The following RUNDC3B variants were observed in gnomAD, a reference collection of about 807,000 sequenced individuals.
RUNDC3B encodes the protein RUN domain-containing protein 3B.
Under a neutral mutation model 58.4 loss-of-function variants are expected in RUNDC3B, and 33 were observed. The ratio of observed to expected loss-of-function variants is 0.56; its 90% CI spans 0.43 to 0.75. The LOEUF is 0.75. RUNDC3B is among the 30% of genes least tolerant of loss of function. RUNDC3B has a pLI of 0.00. For synonymous variants in RUNDC3B, 193 were observed against 195.2 expected, an observed-to-expected ratio of 0.99 and a Z score of 0.10; for missense variants, 501 against 535.7, an observed-to-expected ratio of 0.94 and a Z score of 0.64.
At chr7:87,681,888 T>C (rs1826961968) in intron 2 of RUNDC3B, among the ~76,000 whole-genome samples, 1 of 152,214 alleles carries the variant, frequency 6.6e-6, no homozygotes, top group Non-Finnish European at 1.5e-5. Flanking sequence ...CATGGACTCT[T>C]CCTTTCATGA....
At chr7:87,767,214 G>T in intron 6 of RUNDC3B, among the ~76,000 whole-genome samples, 1 of 152,004 alleles carries the variant, frequency 6.6e-6, no homozygotes, top group East Asian at 1.9e-4. Flanking sequence ...TCTACATTTT[G>T]AATTCTTTAT....
intron 2 of RUNDC3B, among the ~76,000 whole-genome samples, chr7:87,680,838 G>A (rs950650942): frequency 2.7e-5 from 4 of 149,964 alleles, no homozygotes; most frequent in African/African-American, 7.4e-5. Context: ...ACTAAATAAA[G>A]AAGGGAAAAT....
chr7:87,737,989 A>G (rs955755994), intron 4 of RUNDC3B, among the ~76,000 whole-genome samples: 2 of 152,096 alleles, frequency 1.3e-5, no homozygotes, highest in Non-Finnish European at 1.5e-5. Context: ...CCCTAGTACA[A>G]AGGTGCCATT....
At chr7:87,808,658 T>G (rs1836558921) in intron 9 of RUNDC3B, among the ~76,000 whole-genome samples, 1 of 152,078 alleles carries the variant, frequency 6.6e-6, no homozygotes, top group Non-Finnish European at 1.5e-5. Context: ...CTTCTTAGTA[T>G]GATTCAAGGT....
At chr7:87,824,169 A>G (rs1348794789) in intron 10 of RUNDC3B, among the ~76,000 whole-genome samples, 2 of 151,288 alleles carry the variant, frequency 1.3e-5, no homozygotes, top group Non-Finnish European at 1.5e-5. Context: ...GCAATTAGTC[A>G]TAAGACAGAA....
At chr7:87,633,712 A>G (rs917774473) in intron 1 of RUNDC3B, among the ~76,000 whole-genome samples, 3 of 151,910 alleles carry the variant, frequency 2.0e-5, no homozygotes, top group African/African-American at 7.3e-5. Context: ...AGTTAAGTTT[A>G]GTGAGCTTTA....
At position 87,702,514 on chromosome 7, in the gene RUNDC3B, G is replaced by C. The variant is rs191649210; in HGVS notation, c.372+1960G>C. Among the ~76,000 whole-genome samples, 15 of 152,068 alleles carry C rather than the reference G, an allele frequency of 9.9e-5. No homozygotes were observed. In the East Asian group the frequency reaches 1.4e-3, roughly 14 times the overall value. On this transcript the variant is annotated intron_variant, in intron 3 of 10. Coordinates refer to ENST00000394654, the MANE Select transcript of RUNDC3B (RefSeq NM_001134405.2). ...AGGCTAGTCTAGAAATCCTGGCTTC[G>C]AGCAGTCTTTCTGCTGCAGCCTCCC...
Position 87,770,725 on chromosome 7 carries a change from G to A in RUNDC3B, c.774G>A (p.Lys258=), listed in dbSNP as rs147737258. ...WFNKCKRVKQ[K]YQLTLEQKGY... is the part of the protein sequence containing the mutation. ...ACAAGTGTAAGAGAGTTAAACAAAA[G>A]TATCAGCTTACCCTGGAACAGAAGG... is the stretch of plus-strand genomic sequence containing the variant. Residue 258 remains lysine (K), a synonymous_variant, in exon 7 of 11, where the codon AAG becomes AAA. Transcript: ENST00000394654. 6.8e-6 allele frequency: 11 copies of A among 1,612,588 alleles called. No homozygotes were observed. Among genetic ancestry groups the A allele is most frequent in the Admixed American group, 5.0e-5 (3 of 59,770 alleles).
At chr7:87,744,125 T>C (rs113270580) in intron 6 of RUNDC3B, among the ~76,000 whole-genome samples, 3,757 of 152,270 alleles carry the variant, frequency 0.025, 147 homozygotes, top group African/African-American at 0.085. Context: ...TGGCTGTAAG[T>C]ATTTGGGTTT....
intron 2 of RUNDC3B, among the ~76,000 whole-genome samples, chr7:87,683,498 G>A (rs931047453): frequency 6.6e-6 from 1 of 152,066 alleles, no homozygotes; most frequent in African/African-American, 2.4e-5. Flanking sequence ...ATTATTAATT[G>A]GCCTAATTTC....
intron 8 of RUNDC3B, among the ~76,000 whole-genome samples, chr7:87,793,700 G>A (rs1371763134): frequency 1.3e-5 from 2 of 151,908 alleles, no homozygotes; most frequent in Non-Finnish European, 2.9e-5. Flanking sequence ...AATAATAAAA[G>A]CTATATACAA....
intron 8 of RUNDC3B, among the ~76,000 whole-genome samples, chr7:87,799,610 C>G (rs919197337): frequency 1.3e-4 from 20 of 152,150 alleles, no homozygotes; most frequent in African/African-American, 4.8e-4. Flanking sequence ...TACACAAGGC[C>G]AGGCGCGGTG....
chr7:87,774,031 G>T (rs1003130754), intron 7 of RUNDC3B, among the ~76,000 whole-genome samples: 15 of 151,972 alleles, frequency 9.9e-5, no homozygotes, highest in Non-Finnish European at 1.6e-4. Flanking sequence ...AAATACCAAA[G>T]AAATGATACA....
chr7:87,805,578 T>C (rs1836395156), intron 8 of RUNDC3B, among the ~76,000 whole-genome samples: 1 of 152,160 alleles, frequency 6.6e-6, no homozygotes, highest in African/African-American at 2.4e-5. Flanking sequence ...CCGTGGACAA[T>C]AGTTATATAA....
intron 6 of RUNDC3B, among the ~76,000 whole-genome samples, chr7:87,763,594 C>A (rs539485522): frequency 1.4e-4 from 21 of 151,506 alleles, no homozygotes; most frequent in African/African-American, 5.1e-4. Context: ...ACACTTTTTT[C>A]TGTCTATCTT....
chr7:87,782,081 A>G (rs1056219934), intron 8 of RUNDC3B, among the ~76,000 whole-genome samples: 61 of 152,162 alleles, frequency 4.0e-4, no homozygotes, highest in African/African-American at 1.4e-3. Flanking sequence ...TTTGTCTGGT[A>G]GAATACAACT....
intron 10 of RUNDC3B, among the ~76,000 whole-genome samples, chr7:87,821,215 C>T (rs1388175972): frequency 3.3e-5 from 5 of 151,830 alleles, no homozygotes; most frequent in Non-Finnish European, 7.4e-5. Context: ...AATCAATGTA[C>T]AAAACTCACA....
At chr7:87,728,846 C>T (rs929713922) in intron 4 of RUNDC3B, among the ~76,000 whole-genome samples, 8 of 152,174 alleles carry the variant, frequency 5.3e-5, no homozygotes, top group African/African-American at 1.9e-4. Flanking sequence ...ATGTCACCCC[C>T]TCGTGAGATT....
At chr7:87,655,591 T>A (rs752900478) in intron 2 of RUNDC3B, among the ~76,000 whole-genome samples, 5 of 152,084 alleles carry the variant, frequency 3.3e-5, no homozygotes, top group African/African-American at 7.2e-5. Flanking sequence ...GAGATGTTGG[T>A]TAAAGGATAT....
Sources: gnomAD v4.1 joint callset for allele counts (sites outside exome capture counted in the v4.1 genomes callset) on GRCh38, gnomAD v4.1.1 for gene constraint, MANE v1.5 for transcripts, NCBI Gene and HGNC (gene_info 2026-07-23, HGNC 2026-07-21) for gene names.